Variants in GPC5 observed in about 807,000 individuals in gnomAD.
The protein encoded by GPC5 is glypican-5.
In GPC5, 47 loss-of-function variants were observed where a neutral mutation model predicts 53.9. The ratio of observed to expected loss-of-function variants is 0.87; its 90% CI spans 0.69 to 1.11. GPC5 has a LOEUF of 1.11. Ranked by LOEUF, GPC5 falls within the 50% of genes most tolerant of loss-of-function variation. The pLI is 0.00. For missense variants in GPC5, 748 were observed against 713.1 expected, an observed-to-expected ratio of 1.05 and a Z score of -0.56; for synonymous variants, 286 against 263.3, an observed-to-expected ratio of 1.09 and a Z score of -0.84.
At chr13:92,367,971 T>C (rs975633073) in intron 7 of GPC5, among the ~76,000 whole-genome samples, 2 of 152,122 alleles carry the variant, frequency 1.3e-5, no homozygotes, top group Non-Finnish European at 2.9e-5. Flanking sequence ...GTACAGACTT[T>C]TGTGTCTGTG....
chr13:92,810,843 C>A (rs1313098797), intron 7 of GPC5, among the ~76,000 whole-genome samples: 2 of 151,924 alleles, frequency 1.3e-5, no homozygotes, highest in Non-Finnish European at 2.9e-5. Flanking sequence ...GCCTCAGCCT[C>A]CAGAGTAGCT....
In GPC5 at chr13:91,571,895, A is replaced by G. The variant is rs1343224453; in HGVS notation, c.326-121292A>G. Among the ~76,000 whole-genome samples the G allele has an allele frequency of 1.7e-3, 103 of 60,630 alleles. 13 individuals are homozygous for G. The highest frequency in any genetic ancestry group is 0.01 in the Middle Eastern group (1 of 100). 39.8% of individuals were successfully genotyped at this position (60,630 alleles called of 152,430 possible). Reference sequence around the variant, plus strand: ...TATATACACACATATACGTGTGTATATACACATATTGTATATATACACATA... The same window carrying G: ...TATATACACACATATACGTGTGTATGTACACATATTGTATATATACACATA... On this transcript the variant is annotated intron_variant, in intron 2 of 7. Coordinates refer to ENST00000377067, the MANE Select transcript of GPC5 (RefSeq NM_004466.6).
chr13:91,958,689 A>T (rs1354306589), intron 6 of GPC5, among the ~76,000 whole-genome samples: 1 of 152,082 alleles, frequency 6.6e-6, no homozygotes, highest in Non-Finnish European at 1.5e-5. Context: ...TTTTCACAAC[A>T]TAATGAAATA....
intron 6 of GPC5, among the ~76,000 whole-genome samples, chr13:91,917,120 G>C (rs1482914567): frequency 6.6e-6 from 1 of 152,172 alleles, no homozygotes; most frequent in Non-Finnish European, 1.5e-5. Flanking sequence ...GTATGAGCCT[G>C]TAAAATCAAA....
At chr13:91,774,499 G>A (rs1472623133) in intron 5 of GPC5, among the ~76,000 whole-genome samples, 1 of 152,144 alleles carries the variant, frequency 6.6e-6, no homozygotes, top group African/African-American at 2.4e-5. Context: ...ATGGGCTGGT[G>A]CAGGGCAGGA....
chr13:91,772,645 T>C (rs1163222471), intron 5 of GPC5, among the ~76,000 whole-genome samples: 1 of 152,154 alleles, frequency 6.6e-6, no homozygotes, highest in Non-Finnish European at 1.5e-5. Context: ...CCAATTACAT[T>C]ATATAAGATT....
chr13:92,460,079 A>C, intron 7 of GPC5, among the ~76,000 whole-genome samples: 1 of 151,982 alleles, frequency 6.6e-6, no homozygotes, highest in Admixed American at 6.6e-5. Context: ...ATGACTAAAC[A>C]ATTCAAGTAC....
At chr13:92,271,628 A>C (rs922496294) in intron 7 of GPC5, among the ~76,000 whole-genome samples, 1 of 152,200 alleles carries the variant, frequency 6.6e-6, no homozygotes, top group East Asian at 1.9e-4. Flanking sequence ...TTTAGTAAGG[A>C]TGTAAGGCAT....
intron 7 of GPC5, among the ~76,000 whole-genome samples, chr13:92,384,883 T>C (rs1292823135): frequency 6.6e-6 from 1 of 152,116 alleles, no homozygotes; most frequent in Non-Finnish European, 1.5e-5. Context: ...GCTAGATATA[T>C]ATTCAGTGAT....
chr13:92,193,030 CT>C lies in GPC5; in HGVS notation c.1561+48042del, dbSNP rs1242877034. The stretch of plus-strand genomic sequence containing the variant: ...TCTCTACTAAAAATACAAAAATTAG[CT>C]GGGTGTGTTGGCGAGTGCCTGTAAT... On this transcript the variant is annotated intron_variant, in intron 7 of 7. Coordinates refer to ENST00000377067, the MANE Select transcript of GPC5 (RefSeq NM_004466.6). Among the ~76,000 whole-genome samples, 81 of 152,166 alleles carry C rather than the reference CT, an allele frequency of 5.3e-4. 1 individual carries two copies. Among genetic ancestry groups the C allele is most frequent in the Non-Finnish European group, 2.9e-5 (2 of 68,002 alleles).
chr13:92,343,974 T>C (rs1437468871), intron 7 of GPC5, among the ~76,000 whole-genome samples: 2 of 152,100 alleles, frequency 1.3e-5, no homozygotes, highest in African/African-American at 4.8e-5. Flanking sequence ...ACTGAGATAA[T>C]AGATAATGAG....
chr13:91,916,022 C>T (rs534041668), intron 6 of GPC5, among the ~76,000 whole-genome samples: 279 of 152,318 alleles, frequency 1.8e-3, no homozygotes, highest in African/African-American at 6.1e-3. Flanking sequence ...AGGAACATGA[C>T]TTCTGAGTTA....
intron 7 of GPC5, among the ~76,000 whole-genome samples, chr13:92,487,855 A>AAG (rs11396649): frequency 0.012 from 1,688 of 146,114 alleles, 30 homozygotes; most frequent in African/African-American, 0.028. Flanking sequence ...AAAAAAAAAA[A>AAG]AAAAAGAAAG....
chr13:91,557,182 G>A (rs572211763), intron 2 of GPC5, among the ~76,000 whole-genome samples: 1 of 151,962 alleles, frequency 6.6e-6, no homozygotes, highest in Admixed American at 6.6e-5. Context: ...ATGTATGAGC[G>A]ATTCCGTTTC....
At chr13:91,514,543 T>C (rs1334890185) in intron 2 of GPC5, among the ~76,000 whole-genome samples, 1 of 152,200 alleles carries the variant, frequency 6.6e-6, no homozygotes, top group Admixed American at 6.5e-5. Context: ...TACTAGTCCT[T>C]TGTTTGATAT....
chr13:91,711,421 A>G (rs1488218080), intron 3 of GPC5, among the ~76,000 whole-genome samples: 1 of 142,666 alleles, frequency 7.0e-6, no homozygotes, highest in Non-Finnish European at 1.5e-5. Flanking sequence ...ACTTGGACAC[A>G]GGGTGGGGAA....
chr13:92,741,656 A>G (rs1298580182), intron 7 of GPC5, among the ~76,000 whole-genome samples: 2 of 152,130 alleles, frequency 1.3e-5, no homozygotes, highest in East Asian at 3.9e-4. Flanking sequence ...TTACATATGT[A>G]TACATGTGCC....
chr13:91,644,782 C>A (rs2034518597), intron 2 of GPC5, among the ~76,000 whole-genome samples: 1 of 152,140 alleles, frequency 6.6e-6, no homozygotes, highest in Non-Finnish European at 1.5e-5. Context: ...ACCCAGTATA[C>A]CTTTAAATAC....
At chr13:92,794,161 C>T (rs887102125) in intron 7 of GPC5, among the ~76,000 whole-genome samples, 2 of 152,134 alleles carry the variant, frequency 1.3e-5, no homozygotes, top group African/African-American at 4.8e-5. Flanking sequence ...CTGTATCCAA[C>T]AGCACATCAA....
Sources: allele counts gnomAD v4.1 joint callset (sites outside exome capture counted in the v4.1 genomes callset), GRCh38; gene constraint gnomAD v4.1.1; transcripts MANE v1.5; gene names NCBI Gene and HGNC (gene_info 2026-07-23, HGNC 2026-07-21).